ERC2: variants seen among roughly 807,000 people sequenced by gnomAD.
ERC2 encodes ERC protein 2.
In ERC2, 42 loss-of-function variants were observed where a neutral mutation model predicts 114.8. The observed-to-expected ratio is 0.37, with a 90% CI of 0.29 to 0.47. The LOEUF (loss-of-function observed/expected upper bound fraction) is 0.47. ERC2 is among the 20% of genes least tolerant of loss of function. The pLI is 0.99. For synonymous variants in ERC2, 454 were observed against 425.5 expected, an observed-to-expected ratio of 1.07 and a Z score of -0.82; for missense variants, 939 against 1,150.7, an observed-to-expected ratio of 0.82 and a Z score of 2.66.
chr3:55,894,011 T>C (rs1194203656), intron 13 of ERC2, among the ~76,000 whole-genome samples: 2 of 152,172 alleles, frequency 1.3e-5, no homozygotes, highest in Admixed American at 6.5e-5. Flanking sequence ...CTGGCAAATA[T>C]GAAAACACTT....
intron 2 of ERC2, among the ~76,000 whole-genome samples, chr3:56,321,251 A>T (rs1412355768): frequency 6.6e-6 from 1 of 152,228 alleles, no homozygotes; most frequent in Non-Finnish European, 1.5e-5. Context: ...AAGTATGCAA[A>T]TTTAAAGGAT....
At chr3:55,893,237 A>G (rs2063695719) in intron 13 of ERC2, among the ~76,000 whole-genome samples, 1 of 152,112 alleles carries the variant, frequency 6.6e-6, no homozygotes, top group African/African-American at 2.4e-5. Context: ...GGACTACGAC[A>G]CTTAGGAACT....
At chr3:55,895,495 C>A (rs1056784170) in intron 13 of ERC2, among the ~76,000 whole-genome samples, 1 of 152,156 alleles carries the variant, frequency 6.6e-6, no homozygotes, top group Non-Finnish European at 1.5e-5. Context: ...TGGAAGGCAC[C>A]AGCACATGCC....
At chr3:56,164,604 T>G (rs1323230897) in intron 4 of ERC2, among the ~76,000 whole-genome samples, 4 of 152,082 alleles carry the variant, frequency 2.6e-5, no homozygotes, top group African/African-American at 9.7e-5. Flanking sequence ...CTGTTGGGTG[T>G]GTACCTACAA....
At chr3:55,845,739 A>G (rs1376082804) in intron 14 of ERC2, among the ~76,000 whole-genome samples, 1 of 152,224 alleles carries the variant, frequency 6.6e-6, no homozygotes, top group African/African-American at 2.4e-5. Flanking sequence ...GAATGCCTGG[A>G]ACACCAGATT....
At chr3:56,344,247 G>A (rs2058217751) in intron 2 of ERC2, among the ~76,000 whole-genome samples, 1 of 152,168 alleles carries the variant, frequency 6.6e-6, no homozygotes, top group African/African-American at 2.4e-5. Flanking sequence ...AATAACCTAG[G>A]TTAAGCTGGC....
At chr3:56,002,693 C>A (rs1396671516) in intron 10 of ERC2, among the ~76,000 whole-genome samples, 2 of 152,204 alleles carry the variant, frequency 1.3e-5, no homozygotes, top group South Asian at 2.1e-4. Context: ...TAAATCTAAA[C>A]CTGTTTTAAC....
chr3:56,298,702 T>C (rs891839525), intron 2 of ERC2, among the ~76,000 whole-genome samples: 5 of 136,456 alleles, frequency 3.7e-5, no homozygotes, highest in African/African-American at 1.4e-4. Flanking sequence ...TGCTGGGGGG[T>C]GTGGAGTAAA....
At chr3:55,617,520 A>G (rs1403706730) in intron 17 of ERC2, among the ~76,000 whole-genome samples, 1 of 152,272 alleles carries the variant, frequency 6.6e-6, no homozygotes, top group African/African-American at 2.4e-5. Context: ...AATGTTTAAT[A>G]TGGCCCTGTC....
intron 14 of ERC2, among the ~76,000 whole-genome samples, chr3:55,856,276 G>T (rs2061779533): frequency 6.6e-6 from 1 of 152,194 alleles, no homozygotes; most frequent in African/African-American, 2.4e-5. Context: ...TTGCTTGAGT[G>T]ATCGATCTGC....
chr3:56,299,021 G>C (rs559673801), intron 2 of ERC2, among the ~76,000 whole-genome samples: 1 of 151,966 alleles, frequency 6.6e-6, no homozygotes, highest in East Asian at 1.9e-4. Context: ...ACTCTTGAAA[G>C]AGTGCTTTGG....
intron 17 of ERC2, among the ~76,000 whole-genome samples, chr3:55,605,229 A>C (rs1430031358): frequency 6.6e-6 from 1 of 151,932 alleles, no homozygotes; most frequent in Non-Finnish European, 1.5e-5. Flanking sequence ...GATCCTACAG[A>C]CTCAGCCTCC....
intron 12 of ERC2, among the ~76,000 whole-genome samples, chr3:55,952,156 C>T (rs2067570683): frequency 3.3e-5 from 2 of 59,802 alleles, no homozygotes; most frequent in Admixed American, 4.2e-4. Flanking sequence ...CACACACACA[C>T]ACACACACAC....
chr3:55,929,796 C>T lies in ERC2; in HGVS notation c.2403+20629G>A, dbSNP rs2065967018. ...AAAGTGTGTAGCACTGTCCCCTTCG[C>T]TCTCTTCCTTCTGCTGCAGCCATAT... is the stretch of plus-strand genomic sequence containing the variant. On this transcript the variant is annotated intron_variant, in intron 13 of 17. Coordinates refer to ENST00000288221, the MANE Select transcript of ERC2 (RefSeq NM_015576.3). 2.6e-5 allele frequency among the ~76,000 whole-genome samples: 4 copies of T among 152,186 alleles called. No homozygotes were observed. The East Asian group carries it at 7.7e-4, about 29-fold the overall frequency.
At chr3:56,089,659 TCATGGCTAC>T (rs2077682095) in intron 6 of ERC2, among the ~76,000 whole-genome samples, 1 of 152,110 alleles carries the variant, frequency 6.6e-6, no homozygotes, top group East Asian at 1.9e-4. Context: ...CATATGTGGC[TCATGGCTAC>T]CATATTGGAC....
chr3:55,618,821 C>T (rs1037941051), intron 17 of ERC2, among the ~76,000 whole-genome samples: 1 of 152,054 alleles, frequency 6.6e-6, no homozygotes, highest in Non-Finnish European at 1.5e-5. Flanking sequence ...TGAATAAAAA[C>T]AAAACATTCC....
chr3:55,916,067 C>CTGT (rs2065074396), intron 13 of ERC2, among the ~76,000 whole-genome samples: 1 of 151,954 alleles, frequency 6.6e-6, no homozygotes, highest in South Asian at 2.1e-4. Flanking sequence ...AACTCTGCTG[C>CTGT]GAGGTCAAGC....
At chr3:55,803,200 C>T (rs976210957) in intron 14 of ERC2, among the ~76,000 whole-genome samples, 4 of 152,126 alleles carry the variant, frequency 2.6e-5, no homozygotes, top group Non-Finnish European at 4.4e-5. Context: ...TAACTTCCTA[C>T]TATTCTAAAC....
intron 17 of ERC2, among the ~76,000 whole-genome samples, chr3:55,532,253 C>G (rs1179480): frequency 0.39 from 58,696 of 152,138 alleles, 12,632 homozygotes; most frequent in East Asian, 0.62. Context: ...AGAGGGTGAC[C>G]TGGGTTGAGC....
Sources: gnomAD v4.1 joint callset for allele counts (sites outside exome capture counted in the v4.1 genomes callset) on GRCh38, gnomAD v4.1.1 for gene constraint, MANE v1.5 for transcripts, NCBI Gene and HGNC (gene_info 2026-07-23, HGNC 2026-07-21) for gene names.